Variants in NRIP3 observed in about 807,000 individuals in gnomAD.
NRIP3 encodes nuclear receptor-interacting protein 3.
A neutral mutation model predicts 29.0 loss-of-function variants in NRIP3; 31 were observed. The observed-to-expected ratio is 1.07, with a 90% CI of 0.80 to 1.44. The LOEUF is 1.44. Ranked by LOEUF, NRIP3 falls within the 40% of genes most tolerant of loss-of-function variation. The pLI, the probability that NRIP3 is intolerant of heterozygous loss-of-function variation, is 0.00. For missense variants in NRIP3, 314 were observed against 297.9 expected, an observed-to-expected ratio of 1.05 and a Z score of -0.40; for synonymous variants, 131 against 118.3, an observed-to-expected ratio of 1.11 and a Z score of -0.70.
At chr11:8,987,503 A>G (rs774422194) in intron 3 of NRIP3, 45 bp downstream of exon 3, 63 of 1,321,338 alleles carry the variant, frequency 4.8e-5, no homozygotes, top group African/African-American at 1.4e-5. Context: ...TCAAGCGAAG[A>G]GTACAGTCAC....
intron 1 of NRIP3, among the ~76,000 whole-genome samples, chr11:9,003,205 C>T (rs1368723654): frequency 1.3e-5 from 2 of 152,240 alleles, no homozygotes; most frequent in African/African-American, 2.4e-5. Context: ...GAAACCTTCA[C>T]ATTTGGCCCC....
intron 1 of NRIP3, among the ~76,000 whole-genome samples, 188 bp from the exon 2 acceptor site, chr11:8,988,470 A>G (rs1048697907): frequency 2.0e-5 from 3 of 152,210 alleles, no homozygotes; most frequent in Non-Finnish European, 4.4e-5. Context: ...ACCAATTTGC[A>G]GTAGGCCACC....
intron 1 of NRIP3, among the ~76,000 whole-genome samples, chr11:9,003,127 C>T (rs1203167921): frequency 6.6e-6 from 1 of 152,164 alleles, no homozygotes; most frequent in Non-Finnish European, 1.5e-5. Context: ...GCCTGGCTTC[C>T]TCCCTCTACC....
At chr11:8,998,784 ATTTTT>A (rs767253373) in intron 1 of NRIP3, among the ~76,000 whole-genome samples, 1 of 77,570 alleles carries the variant, frequency 1.3e-5, no homozygotes, top group Non-Finnish European at 2.5e-5. Flanking sequence ...CAAACTCTTC[ATTTTT>A]TTTTTTTTTT....
chr11:8,988,264 G>A lies in NRIP3; in HGVS notation c.193C>T (p.Gln65Ter), dbSNP rs1854548995. The change falls in exon 2 of 7, where the codon CAG (glutamine) becomes TAG (stop). Residue 65 changes from glutamine to a stop codon, truncating the protein, a stop_gained. Coordinates refer to ENST00000309166, the MANE Select transcript of NRIP3 (RefSeq NM_020645.3). LOFTEE classifies it high-confidence loss of function. ...SKDMQPHNIL[Q>*]RRLMETNLSK... is the part of the protein sequence containing the mutation. ...AGGTTGGTTTCCATGAGGCGCCTCT[G>A]CAGAATATTATGAGGTTGCTTGAGG... The A allele has an allele frequency of 1.2e-6, 2 of 1,613,956 alleles. No individual in the cohort carries two copies. Among genetic ancestry groups the A allele is most frequent in the Non-Finnish European group, 1.7e-6 (2 of 1,179,854 alleles).
At chr11:9,002,598 A>T (rs1854827408) in intron 1 of NRIP3, among the ~76,000 whole-genome samples, 1 of 78,786 alleles carries the variant, frequency 1.3e-5, no homozygotes, top group African/African-American at 4.6e-5. Flanking sequence ...TGTTAAATTA[A>T]AAAAAAAAAA....
chr11:8,987,465 C>G, intron 3 of NRIP3, 83 bp downstream of exon 3: 1 of 1,000,250 alleles, frequency 1.0e-6, no homozygotes, highest in Admixed American at 1.7e-5. Flanking sequence ...CTGTAGAGAC[C>G]CTCACCATCT....
intron 1 of NRIP3, among the ~76,000 whole-genome samples, chr11:8,998,364 C>G (rs1016910118): frequency 6.6e-6 from 1 of 152,212 alleles, no homozygotes; most frequent in Non-Finnish European, 1.5e-5. Flanking sequence ...TCATTATTAT[C>G]TGTTTTGTGG....
At chr11:8,992,437 GA>G (rs1854621897) in intron 1 of NRIP3, among the ~76,000 whole-genome samples, 3 of 152,004 alleles carry the variant, frequency 2.0e-5, no homozygotes. Flanking sequence ...CATAATGAAG[GA>G]AAAAAGATCC....
chr11:9,002,596 TAAAAAAA>T lies in NRIP3; in HGVS notation c.174+1159_174+1165del, dbSNP rs10701323. The stretch of plus-strand genomic sequence containing the variant: ...CTGTGTATCATTAGAGCTGTTAAAT[TAAAAAAA>T]AAAAAAAAAAAAAAAGGAAATGGAT... On this transcript the variant is annotated intron_variant, in intron 1 of 6. Coordinates refer to ENST00000309166, the MANE Select transcript of NRIP3 (RefSeq NM_020645.3). Among the ~76,000 whole-genome samples the T allele has an allele frequency of 3.0e-4, 30 of 101,246 alleles. No individual in the cohort carries two copies. The East Asian group carries it at 6.6e-3, about 22-fold the overall frequency. 66.4% of individuals were successfully genotyped at this position (101,246 alleles called of 152,430 possible).
intron 1 of NRIP3, among the ~76,000 whole-genome samples, chr11:9,001,306 C>G (rs1854792535): frequency 6.6e-6 from 1 of 152,118 alleles, no homozygotes. Context: ...TCTGCCAGTC[C>G]TAAAAGAGCT....
Position 8,996,275 on chromosome 11 carries a change from C to CTTTTT in NRIP3, c.174+7482_174+7486dup, listed in dbSNP as rs386373056. On this transcript the variant is annotated intron_variant, in intron 1 of 6. Coordinates refer to ENST00000309166, the MANE Select transcript of NRIP3 (RefSeq NM_020645.3). ...TCTTTCTTCAAAAAGCCTTTTTTTC[C>CTTTTT]TTTTTTTTTTTTTTTTTTTTTTTTG... Among the ~76,000 whole-genome samples the CTTTTT allele has an allele frequency of 2.5e-3, 209 of 82,932 alleles. 2 individuals carry two copies. The highest frequency in any genetic ancestry group is 3.7e-3 in the African/African-American group (75 of 20,528). 54.4% of individuals were successfully genotyped at this position (82,932 alleles called of 152,430 possible).
rs1309423666 is a variant in NRIP3 at position 8,983,536 on chromosome 11, A to C, written c.*9T>G. ...GCATGCACACGTGCAGACATGCTGC[A>C]GGCTGTAGTTATGCTTCTGAAGTGC... is the stretch of plus-strand genomic sequence containing the variant. On this transcript the variant is annotated 3_prime_UTR_variant, in exon 7 of 7. Coordinates refer to ENST00000309166, the MANE Select transcript of NRIP3 (RefSeq NM_020645.3). 2 of 1,613,676 alleles carry C rather than the reference A, an allele frequency of 1.2e-6. No individual in the cohort carries two copies. Among genetic ancestry groups the C allele is most frequent in the East Asian group, 4.5e-5 (2 of 44,888 alleles).
chr11:8,989,223 C>T (rs931891493), intron 1 of NRIP3, among the ~76,000 whole-genome samples: 6 of 152,190 alleles, frequency 3.9e-5, no homozygotes, highest in African/African-American at 7.2e-5. Flanking sequence ...AAGTGGCCTC[C>T]AGAAAGTTTA....
At chr11:9,000,913 A>G (rs1208599436) in intron 1 of NRIP3, among the ~76,000 whole-genome samples, 1 of 152,094 alleles carries the variant, frequency 6.6e-6, no homozygotes, top group African/African-American at 2.4e-5. Context: ...TACAAAAAAT[A>G]CAAAAGTTAG....
At chr11:8,995,182 G>C (rs1229523857) in intron 1 of NRIP3, among the ~76,000 whole-genome samples, 1 of 151,946 alleles carries the variant, frequency 6.6e-6, no homozygotes, top group Admixed American at 6.6e-5. Flanking sequence ...TTGTAACAAA[G>C]AAAAATCCTC....
chr11:8,998,748 T>C (rs1038845481), intron 1 of NRIP3, among the ~76,000 whole-genome samples: 3 of 151,910 alleles, frequency 2.0e-5, no homozygotes, highest in Non-Finnish European at 4.4e-5. Context: ...AAGTAACTAA[T>C]TGGGACCCTA....
At chr11:9,004,115 T>TCGCGTCCCGCGTCC (rs548203402), upstream of NRIP3, 210 of 479,254 alleles carry the variant, frequency 4.4e-4, 1 homozygote, top group African/African-American at 3.7e-3. Flanking sequence ...CGCGGCTCCC[T>TCGCGTCCCGCGTCC]CGCGTCCCGC....
At chr11:9,000,637 C>T (rs1854776826) in intron 1 of NRIP3, among the ~76,000 whole-genome samples, 1 of 152,162 alleles carries the variant, frequency 6.6e-6, no homozygotes, top group Non-Finnish European at 1.5e-5. Context: ...TACCACATAA[C>T]ATGACTGTTT....
Sources: allele counts gnomAD v4.1 joint callset (sites outside exome capture counted in the v4.1 genomes callset), GRCh38; gene constraint gnomAD v4.1.1; transcripts MANE v1.5; gene names NCBI Gene and HGNC (gene_info 2026-07-23, HGNC 2026-07-21).